The following ARIH2 variants were observed in gnomAD, a reference collection of about 807,000 sequenced individuals.
ARIH2 encodes E3 ubiquitin-protein ligase ARIH2.
Under a neutral mutation model 79.8 loss-of-function variants are expected in ARIH2, and 12 were observed. The ratio of observed to expected loss-of-function variants is 0.15; its 90% CI spans 0.10 to 0.24. The LOEUF is 0.24. Among genes scored for constraint, ARIH2 ranks in the 10% least tolerant of loss-of-function variants. The pLI is 1.00. For synonymous variants in ARIH2, 224 were observed against 213.9 expected (o/e 1.05, Z -0.41); for missense variants, 301 against 618.3 (o/e 0.49, Z 5.44).
chr3:48,979,637 G>T lies in ARIH2; in HGVS notation c.1113+4G>T. The T allele has an allele frequency of 6.2e-7, 1 of 1,613,772 alleles. No individual in the cohort carries two copies. The highest frequency in any genetic ancestry group is 2.2e-5 in the East Asian group (1 of 44,888). ...GTACTTATTCTACTTTGAGAGGGTA[G>T]GTGTCCTCTCCTGTACCTTCCCCTA... On this transcript the variant is annotated splice_donor_region_variant and intron_variant, in intron 12 of 15. Transcript: ENST00000356401.
At chr3:48,982,285 T>G (rs1042460647) in intron 14 of ARIH2, among the ~76,000 whole-genome samples, 1 of 152,234 alleles carries the variant, frequency 6.6e-6, no homozygotes, top group African/African-American at 2.4e-5. Flanking sequence ...TAACATTTTA[T>G]TGTTATAACA....
At chr3:48,958,954 G>T (rs990782673) in intron 3 of ARIH2, among the ~76,000 whole-genome samples, 27 of 151,580 alleles carry the variant, frequency 1.8e-4, no homozygotes, top group Non-Finnish European at 3.7e-4. Context: ...AGTGCAGATT[G>T]CAGTAGCCAA....
At chr3:48,924,502 C>T (rs970608818) in intron 2 of ARIH2, among the ~76,000 whole-genome samples, 2 of 151,574 alleles carry the variant, frequency 1.3e-5, no homozygotes, top group Admixed American at 1.3e-4. Flanking sequence ...ACCGCTATGC[C>T]TGTCTTATTT....
chr3:48,957,238 A>C (rs911500337), intron 3 of ARIH2, among the ~76,000 whole-genome samples: 2 of 152,248 alleles, frequency 1.3e-5, no homozygotes, highest in Non-Finnish European at 2.9e-5. Context: ...GTAGGTGAGC[A>C]CTACCTAGTG....
At chr3:48,933,513 T>G (rs1287623938) in intron 3 of ARIH2, among the ~76,000 whole-genome samples, 1 of 151,400 alleles carries the variant, frequency 6.6e-6, no homozygotes, top group Non-Finnish European at 1.5e-5. Flanking sequence ...ATTCAGCACA[T>G]GTGTGGCATA....
Position 48,983,764 on chromosome 3 carries a change from T to A in ARIH2, c.*494T>A, listed in dbSNP as rs576880680. 1.2e-5 allele frequency: 2 copies of A among 160,058 alleles called. No homozygotes were observed. Among genetic ancestry groups the A allele is most frequent in the African/African-American group, 4.8e-5 (2 of 41,640 alleles). The allele number at this position is 160,058 out of a possible 1,614,324, so 9.9% of individuals were successfully genotyped here. A position where few individuals can be genotyped will look rare whatever the true frequency, so the allele number is the denominator to read the frequency against. On this transcript the variant is annotated 3_prime_UTR_variant, in exon 16 of 16. Coordinates refer to ENST00000356401, the MANE Select transcript of ARIH2 (RefSeq NM_006321.4). ...GTACTGCAAGAGGGCCCTGGGCCTC[T>A]GCTTTCCATATTCACGTTTGGCCAG...
At chr3:48,937,434 GTC>G (rs1346475450) in intron 3 of ARIH2, among the ~76,000 whole-genome samples, 1 of 152,120 alleles carries the variant, frequency 6.6e-6, no homozygotes, top group African/African-American at 2.4e-5. Context: ...CCCAGACAGA[GTC>G]TGTCACTCTT....
At chr3:48,925,932 A>C (rs2085529426) in intron 2 of ARIH2, among the ~76,000 whole-genome samples, 1 of 151,952 alleles carries the variant, frequency 6.6e-6, no homozygotes, top group Non-Finnish European at 1.5e-5. Context: ...GTTGGCCAGG[A>C]TGCTCTTGAT....
At chr3:48,982,089 C>T (rs2092771228) in intron 14 of ARIH2, among the ~76,000 whole-genome samples, 1 of 152,142 alleles carries the variant, frequency 6.6e-6, no homozygotes, top group Non-Finnish European at 1.5e-5. Flanking sequence ...AATTCTTCAT[C>T]TTAGAGTTGA....
At position 48,984,053 on chromosome 3, in the gene ARIH2, C is replaced by T. The variant is rs539141061; in HGVS notation, c.*783C>T. 1 of 152,366 alleles carries T rather than the reference C, an allele frequency of 6.6e-6. No individual in the cohort carries two copies. Among genetic ancestry groups the T allele is most frequent in the South Asian group, 2.1e-4 (1 of 4,818 alleles). The allele number at this position is 152,366 out of a possible 1,614,324, so 9.4% of individuals were successfully genotyped here. Reference sequence around the variant, plus strand: ...GAGCCCACAGCAGAATGGGGTTGGGCCTGTGGCCCCCCAAACTAGGGGGTG... The same window carrying T: ...GAGCCCACAGCAGAATGGGGTTGGGTCTGTGGCCCCCCAAACTAGGGGGTG... On this transcript the variant is annotated 3_prime_UTR_variant, in exon 16 of 16. Coordinates refer to ENST00000356401, the MANE Select transcript of ARIH2 (RefSeq NM_006321.4).
At chr3:48,934,232 TAAC>T (rs2086807175) in intron 3 of ARIH2, 1 of 463,500 alleles carries the variant, frequency 2.2e-6, no homozygotes, top group African/African-American at 2.1e-5. Context: ...TTGGTGTTCA[TAAC>T]AACAAAATAC....
chr3:48,974,873 C>CA lies in ARIH2; in HGVS notation c.939+7dup. 6.2e-7 allele frequency: 1 copy of CA among 1,614,092 alleles called. No individual in the cohort carries two copies. ...ATGGAGGCTGCAATCACATGGTGAG[C>CA]AGAAGCCTCTGCAGTTTGCATGTGT... On this transcript the variant is annotated splice_region_variant and intron_variant, in intron 10 of 15. Coordinates refer to ENST00000356401, the MANE Select transcript of ARIH2 (RefSeq NM_006321.4).
intron 4 of ARIH2, among the ~76,000 whole-genome samples, chr3:48,964,384 C>G (rs567268045): frequency 6.6e-6 from 1 of 151,622 alleles, no homozygotes; most frequent in African/African-American, 2.4e-5. Context: ...GGCACAATCT[C>G]AGCTCACTGC....
rs570126354 is a variant in ARIH2 at position 48,919,102 on chromosome 3, G to T, written c.-162+104G>T. ...GGGCCGGGACTCCGCCTTCGCCGTCGCCCGGGAGGCCCGGGCGCTCCCCGT... is the reference window on the plus strand; with the variant it reads ...GGGCCGGGACTCCGCCTTCGCCGTCTCCCGGGAGGCCCGGGCGCTCCCCGT... On this transcript the variant is annotated intron_variant, in intron 1 of 15. Coordinates refer to ENST00000356401, the MANE Select transcript of ARIH2 (RefSeq NM_006321.4). The T allele has an allele frequency of 2.1e-5, 27 of 1,278,040 alleles. No individual in the cohort carries two copies. The African/African-American group carries it at 4.1e-4, about 20-fold the overall frequency. The allele number at this position is 1,278,040 out of a possible 1,614,324, so 79.2% of individuals were successfully genotyped here.
intron 3 of ARIH2, among the ~76,000 whole-genome samples, chr3:48,929,157 A>C (rs902655176): frequency 2.0e-5 from 3 of 152,192 alleles, no homozygotes; most frequent in African/African-American, 7.2e-5. Flanking sequence ...AAAAAATAAT[A>C]TTAGGAATTA....
rs879431590 is a variant in ARIH2, at chr3:48,918,984, A to T, written c.-176A>T. 2.5e-5 allele frequency: 36 copies of T among 1,452,884 alleles called. No homozygotes were observed. Among genetic ancestry groups the T allele is most frequent in the Non-Finnish European group, 3.2e-5 (36 of 1,109,328 alleles). The allele number at this position is 1,452,884 out of a possible 1,614,324, so 90.0% of individuals were successfully genotyped here. Reference sequence around the variant, plus strand: ...GGCTTGTTCGGGCTCAGCGGCCGCGAGGCCGCAGCTCCCGGTAAGTGCGCG... The same window carrying T: ...GGCTTGTTCGGGCTCAGCGGCCGCGTGGCCGCAGCTCCCGGTAAGTGCGCG... On this transcript the variant is annotated 5_prime_UTR_variant, in exon 1 of 16. Transcript: ENST00000356401.
chr3:48,940,564 A>G (rs1395438775), intron 3 of ARIH2, among the ~76,000 whole-genome samples: 1 of 151,706 alleles, frequency 6.6e-6, no homozygotes, highest in Non-Finnish European at 1.5e-5. Context: ...GATTGTGAAG[A>G]TTTCATGGAC....
intron 14 of ARIH2, among the ~76,000 whole-genome samples, chr3:48,982,311 TG>T (rs1412245653): frequency 6.6e-6 from 1 of 152,244 alleles, no homozygotes; most frequent in African/African-American, 2.4e-5. Flanking sequence ...TTGTTATAGC[TG>T]TTATGATTTA....
At chr3:48,979,457 A>G (rs1429649061) in intron 11 of ARIH2, 25 bp from the exon 12 acceptor site, 2 of 1,607,832 alleles carry the variant, frequency 1.2e-6, no homozygotes, top group Non-Finnish European at 8.5e-7. Flanking sequence ...GTAGATGTAA[A>G]TGACTCTTCC....
Sources: gnomAD v4.1 joint callset for allele counts (sites outside exome capture counted in the v4.1 genomes callset) on GRCh38, gnomAD v4.1.1 for gene constraint, MANE v1.5 for transcripts, NCBI Gene and HGNC (gene_info 2026-07-23, HGNC 2026-07-21) for gene names.